The following CNTNAP5 variants were observed in gnomAD, a reference collection of about 807,000 sequenced individuals.
CNTNAP5 encodes the protein contactin-associated protein-like 5.
In CNTNAP5, 72 loss-of-function variants were observed where a neutral mutation model predicts 150.2. The ratio of observed to expected loss-of-function variants is 0.48; its 90% CI spans 0.40 to 0.58. The LOEUF is 0.58. CNTNAP5 is among the 20% of genes least tolerant of loss of function. The pLI is 0.00. For synonymous variants in CNTNAP5, 672 were observed against 619.8 expected, an observed-to-expected ratio of 1.08 and a Z score of -1.25; for missense variants, 1,636 against 1,626.2, an observed-to-expected ratio of 1.01 and a Z score of -0.10.
At chr2:124,786,938 A>G (rs1468148421) in intron 17 of CNTNAP5, among the ~76,000 whole-genome samples, 1 of 152,214 alleles carries the variant, frequency 6.6e-6, no homozygotes, top group Non-Finnish European at 1.5e-5. Context: ...TTCACTGTGC[A>G]ATTGAGTTCA....
intron 1 of CNTNAP5, among the ~76,000 whole-genome samples, chr2:124,112,372 G>A (rs905217865): frequency 6.6e-6 from 1 of 151,928 alleles, no homozygotes; most frequent in Admixed American, 6.6e-5. Flanking sequence ...TTTCATATAA[G>A]AGATGTTCTG....
At chr2:124,669,410 A>G (rs1291113327) in intron 13 of CNTNAP5, among the ~76,000 whole-genome samples, 2 of 152,212 alleles carry the variant, frequency 1.3e-5, no homozygotes, top group Non-Finnish European at 2.9e-5. Context: ...GATACCCTCC[A>G]GTGTGGTCTT....
intron 1 of CNTNAP5, among the ~76,000 whole-genome samples, chr2:124,161,693 T>C (rs554444889): frequency 1.1e-4 from 17 of 152,266 alleles, no homozygotes; most frequent in African/African-American, 4.1e-4. Flanking sequence ...TCTGTGCTCA[T>C]TGCAAATGCA....
intron 13 of CNTNAP5, among the ~76,000 whole-genome samples, chr2:124,651,024 G>T (rs1678309858): frequency 6.6e-6 from 1 of 152,216 alleles, no homozygotes; most frequent in Non-Finnish European, 1.5e-5. Context: ...CATCAAGGTT[G>T]TACCAATTCA....
intron 5 of CNTNAP5, among the ~76,000 whole-genome samples, chr2:124,443,110 A>C (rs1297596846): frequency 6.6e-6 from 1 of 152,058 alleles, no homozygotes; most frequent in East Asian, 1.9e-4. Flanking sequence ...CCCAAGCGAG[A>C]TAATATCCAC....
Position 124,805,777 on chromosome 2 carries a change from T to C in CNTNAP5, c.3217+7457T>C, listed in dbSNP as rs1215890027. Among the ~76,000 whole-genome samples the C allele has an allele frequency of 3.3e-5, 5 of 152,156 alleles. No individual in the cohort carries two copies. The East Asian group carries it at 9.6e-4, about 29-fold the overall frequency. ...GTTCAAGGTACTGGCAGTGTTGGCG[T>C]CTGTTGAGGACCCTGCCTTTGTGTT... On this transcript the variant is annotated intron_variant, in intron 19 of 23. Transcript: ENST00000682447.
In CNTNAP5 at chr2:124,412,894, C is replaced by G. The variant is rs1238550867; in HGVS notation, c.382-4549C>G. ...AATTGACAAATGGGATCTAATTAAA[C>G]TAAAGAGCTTCTGCACAGCAAAAGA... is the stretch of plus-strand genomic sequence containing the variant. On this transcript the variant is annotated intron_variant, in intron 3 of 23. Transcript: ENST00000682447. 1.2e-4 allele frequency among the ~76,000 whole-genome samples: 13 copies of G among 105,508 alleles called. 1 individual carries two copies. The highest frequency in any genetic ancestry group is 2.2e-4 in the Admixed American group (2 of 8,920). The allele number at this position is 105,508 out of a possible 152,430, so 69.2% of individuals were successfully genotyped here.
rs1452195165 is a variant in CNTNAP5 at position 124,918,906 on chromosome 2, G to A, written c.*4618G>A. Among the ~76,000 whole-genome samples the A allele has an allele frequency of 2.0e-5, 3 of 152,064 alleles. No individual in the cohort carries two copies. Among genetic ancestry groups the A allele is most frequent in the Non-Finnish European group, 4.4e-5 (3 of 67,982 alleles). ...GGAGGATAACTGAGTGCTATTTTCT[G>A]TCTCATGCAGTTTGAACATGTTTTC... is the stretch of plus-strand genomic sequence containing the variant. On this transcript the variant is annotated 3_prime_UTR_variant, in exon 24 of 24. Transcript: ENST00000682447.
chr2:124,405,248 G>C (rs907406764), intron 3 of CNTNAP5, among the ~76,000 whole-genome samples: 2 of 152,150 alleles, frequency 1.3e-5, no homozygotes, highest in Admixed American at 1.3e-4. Context: ...TGCAAATTCA[G>C]AAGGATTAAA....
chr2:124,449,598 A>C (rs1472825178), intron 6 of CNTNAP5, among the ~76,000 whole-genome samples: 4 of 152,160 alleles, frequency 2.6e-5, no homozygotes, highest in Non-Finnish European at 5.9e-5. Context: ...CATTTAGGGA[A>C]ATGAAATCCG....
chr2:124,843,191 A>G (rs1458026072), intron 19 of CNTNAP5, among the ~76,000 whole-genome samples: 1 of 152,104 alleles, frequency 6.6e-6, no homozygotes, highest in Non-Finnish European at 1.5e-5. Flanking sequence ...ACTTATAATA[A>G]TAGTTTCCAA....
chr2:124,831,099 C>A (rs1157375871), intron 19 of CNTNAP5, among the ~76,000 whole-genome samples: 1 of 151,968 alleles, frequency 6.6e-6, no homozygotes, highest in Non-Finnish European at 1.5e-5. Flanking sequence ...AAAGCTCAAT[C>A]TTTAGAAAGA....
chr2:124,472,317 A>G (rs1486637906), intron 6 of CNTNAP5, among the ~76,000 whole-genome samples: 1 of 152,044 alleles, frequency 6.6e-6, no homozygotes, highest in Non-Finnish European at 1.5e-5. Flanking sequence ...TGTGTGTAAA[A>G]GAGCAGAAGG....
At position 124,916,351 on chromosome 2, in the gene CNTNAP5, C is replaced by A. The variant is rs1678769078; in HGVS notation, c.*2063C>A. Among the ~76,000 whole-genome samples the A allele has an allele frequency of 6.6e-6, 1 of 151,990 alleles. No individual in the cohort carries two copies. The highest frequency in any genetic ancestry group is 1.9e-4 in the East Asian group (1 of 5,174). On this transcript the variant is annotated 3_prime_UTR_variant, in exon 24 of 24. Coordinates refer to ENST00000682447, the MANE Select transcript of CNTNAP5 (RefSeq NM_001367498.1). ...AAACACTGTTTTCCCCTGCCCTTTC[C>A]TCCCTTTCTTCAATTTTCATTTTTG...
intron 13 of CNTNAP5, among the ~76,000 whole-genome samples, chr2:124,745,004 T>A (rs1042043870): frequency 3.9e-5 from 6 of 152,250 alleles, no homozygotes; most frequent in African/African-American, 1.4e-4. Flanking sequence ...GTGTTTCAAC[T>A]TTTAAACTTC....
intron 13 of CNTNAP5, among the ~76,000 whole-genome samples, chr2:124,660,020 A>G (rs1351168513): frequency 1.5e-5 from 2 of 134,892 alleles, no homozygotes; most frequent in Non-Finnish European, 1.6e-5. Flanking sequence ...AAAAAGGAAG[A>G]AAGGAGGAAG....
intron 10 of CNTNAP5, among the ~76,000 whole-genome samples, chr2:124,541,749 C>A (rs959127949): frequency 6.6e-6 from 1 of 152,084 alleles, no homozygotes; most frequent in Non-Finnish European, 1.5e-5. Flanking sequence ...AGCCAACTAT[C>A]GATAAATAGC....
intron 19 of CNTNAP5, 27 bp downstream of exon 19, chr2:124,798,347 G>A (rs767517900): frequency 2.6e-6 from 4 of 1,539,500 alleles, no homozygotes; most frequent in African/African-American, 1.4e-5. Context: ...GATACCCAGC[G>A]GAGTCTCAGC....
At chr2:124,632,502 A>G (rs1373712585) in intron 12 of CNTNAP5, among the ~76,000 whole-genome samples, 1 of 151,762 alleles carries the variant, frequency 6.6e-6, no homozygotes, top group Non-Finnish European at 1.5e-5. Flanking sequence ...GAGCTGAGCA[A>G]TGAGAATACG....
Sources: allele counts gnomAD v4.1 joint callset (sites outside exome capture counted in the v4.1 genomes callset), GRCh38; gene constraint gnomAD v4.1.1; transcripts MANE v1.5; gene names NCBI Gene and HGNC (gene_info 2026-07-23, HGNC 2026-07-21).